GAB1: variants seen among roughly 807,000 people sequenced by gnomAD.
The protein encoded by GAB1 is GRB2-associated-binding protein 1.
Under a neutral mutation model 66.5 loss-of-function variants are expected in GAB1, and 19 were observed. The observed-to-expected ratio is 0.29, with a 90% confidence interval of 0.20 to 0.42. GAB1 has a LOEUF of 0.42. Ranked by LOEUF, GAB1 falls within the 10% of genes least tolerant of loss-of-function variation. GAB1 has a pLI of 1.00. For synonymous variants in GAB1, 294 were observed against 301.4 expected, an observed-to-expected ratio of 0.98 and a Z score of 0.25; for missense variants, 732 against 858.5, an observed-to-expected ratio of 0.85 and a Z score of 1.84.
chr4:143,395,752 C>G, intron 1 of GAB1: 1 of 357,118 alleles, frequency 2.8e-6, no homozygotes, highest in South Asian at 2.1e-5. Context: ...TTATAGAACT[C>G]TGTTATTAGC....
intron 1 of GAB1, among the ~76,000 whole-genome samples, chr4:143,387,616 C>T (rs28989229): frequency 0.021 from 3,228 of 152,278 alleles, 43 homozygotes; most frequent in Middle Eastern, 0.034. Context: ...GTCTTGCATT[C>T]GATTCTTGCT....
At chr4:143,349,991 C>T (rs1229423461) in intron 1 of GAB1, 31 of 1,581,818 alleles carry the variant, frequency 2.0e-5, no homozygotes, top group East Asian at 2.2e-5. Flanking sequence ...TCCTTATCCT[C>T]GGCCTTGCCT....
intron 4 of GAB1, 79 bp downstream of exon 4, chr4:143,438,679 G>A (rs754537929): frequency 3.4e-5 from 49 of 1,423,494 alleles, no homozygotes; most frequent in East Asian, 3.0e-4. Flanking sequence ...TCTTTTAAGC[G>A]TAGTTAAATA....
chr4:143,466,242 ATG>A lies in GAB1; in HGVS notation c.1926+19_1926+20del. The stretch of plus-strand genomic sequence containing the variant: ...CCACGTAAGGTGAGTGACATGTGAC[ATG>A]TCTCTTCTTTGTATACAGTTAGTTC... On this transcript the variant is annotated intron_variant, in intron 9 of 9. Transcript: ENST00000262994. 6.2e-7 allele frequency: 1 copy of A among 1,612,120 alleles called. No homozygotes were observed.
intron 1 of GAB1, among the ~76,000 whole-genome samples, chr4:143,386,443 A>G (rs1730919290): frequency 6.6e-6 from 1 of 152,070 alleles, no homozygotes; most frequent in African/African-American, 2.4e-5. Flanking sequence ...CTGGAGTGGC[A>G]GTGGTGTGAT....
chr4:143,400,962 C>G (rs34439737), intron 1 of GAB1, among the ~76,000 whole-genome samples: 45,593 of 147,706 alleles, frequency 0.31, 7,306 homozygotes, highest in South Asian at 0.46. Context: ...GAGCAAGACT[C>G]CATCACAAAA....
intron 2 of GAB1, among the ~76,000 whole-genome samples, chr4:143,432,334 C>T (rs902478348): frequency 6.6e-6 from 1 of 152,136 alleles, no homozygotes; most frequent in African/African-American, 2.4e-5. Context: ...CTTTCTCATG[C>T]CCCACATTCG....
At chr4:143,398,003 C>G (rs1731540098) in intron 1 of GAB1, among the ~76,000 whole-genome samples, 1 of 152,172 alleles carries the variant, frequency 6.6e-6, no homozygotes, top group South Asian at 2.1e-4. Context: ...CTCCCATCTT[C>G]CGTAGCATTC....
At chr4:143,435,745 A>G (rs1333145011) in intron 3 of GAB1, among the ~76,000 whole-genome samples, 1 of 152,244 alleles carries the variant, frequency 6.6e-6, no homozygotes, top group Non-Finnish European at 1.5e-5. Context: ...GTTGCTAAGA[A>G]GTGAAAACAT....
chr4:143,358,776 A>G (rs1021484587), intron 1 of GAB1, among the ~76,000 whole-genome samples: 2 of 152,260 alleles, frequency 1.3e-5, no homozygotes, highest in African/African-American at 4.8e-5. Flanking sequence ...AATGAAATTT[A>G]AATATTGACT....
intron 8 of GAB1, among the ~76,000 whole-genome samples, chr4:143,463,924 T>G (rs544136957): frequency 1.3e-5 from 2 of 152,342 alleles, no homozygotes; most frequent in East Asian, 3.9e-4. Flanking sequence ...CTTATTGGTA[T>G]TATGCATGCA....
chr4:143,441,450 G>A (rs1734225801), intron 6 of GAB1, among the ~76,000 whole-genome samples: 1 of 152,162 alleles, frequency 6.6e-6, no homozygotes, highest in African/African-American at 2.4e-5. Flanking sequence ...ATTAATATTA[G>A]TTCTAATTAA....
chr4:143,437,816 G>C (rs1333568324), intron 3 of GAB1, among the ~76,000 whole-genome samples, 183 bp from the exon 4 acceptor site: 1 of 152,078 alleles, frequency 6.6e-6, no homozygotes, highest in Non-Finnish European at 1.5e-5. Context: ...TGTGGTGGCG[G>C]TTTTGTTGTC....
chr4:143,407,907 T>C (rs1490071477), intron 1 of GAB1, among the ~76,000 whole-genome samples: 18 of 152,224 alleles, frequency 1.2e-4, no homozygotes, highest in Admixed American at 1.2e-3. Context: ...ATTCCTAAAG[T>C]GCTTATTTTA....
chr4:143,386,175 T>C (rs1730898559), intron 1 of GAB1, among the ~76,000 whole-genome samples: 1 of 152,080 alleles, frequency 6.6e-6, no homozygotes, highest in African/African-American at 2.4e-5. Flanking sequence ...GATGTGCCCA[T>C]TTGTTTATAA....
chr4:143,426,896 G>C (rs1400775120), intron 2 of GAB1, among the ~76,000 whole-genome samples: 1 of 152,180 alleles, frequency 6.6e-6, no homozygotes, highest in Non-Finnish European at 1.5e-5. Flanking sequence ...AGAGAAAATA[G>C]AGCAGATATT....
Position 143,393,403 on chromosome 4 carries a change from C to T in GAB1, c.73-22074C>T, listed in dbSNP as rs568517030. Among the ~76,000 whole-genome samples, 7 of 152,218 alleles carry T rather than the reference C, an allele frequency of 4.6e-5. No homozygotes were observed. In the South Asian group the frequency reaches 1.5e-3, roughly 32 times the overall value. ...ACAGGCTCTGGGTGAGGCCAGACTA[C>T]TAGGTTCAGATCCTGGCTTTACTAT... On this transcript the variant is annotated intron_variant, in intron 1 of 9. Transcript: ENST00000262994.
chr4:143,432,596 A>T (rs1367258748), intron 2 of GAB1, among the ~76,000 whole-genome samples: 1 of 145,556 alleles, frequency 6.9e-6, no homozygotes, highest in Admixed American at 6.6e-5. Context: ...GTTCTATAAT[A>T]ACAAATTTTA....
At chr4:143,414,271 A>G (rs1232553005) in intron 1 of GAB1, among the ~76,000 whole-genome samples, 1 of 152,146 alleles carries the variant, frequency 6.6e-6, no homozygotes, top group Non-Finnish European at 1.5e-5. Flanking sequence ...AGTAAGGTGT[A>G]AGTTTGTTTC....
Sources: gnomAD v4.1 joint callset for allele counts (sites outside exome capture counted in the v4.1 genomes callset) on GRCh38, gnomAD v4.1.1 for gene constraint, MANE v1.5 for transcripts, NCBI Gene and HGNC (gene_info 2026-07-23, HGNC 2026-07-21) for gene names.